Variants in BRINP1 observed in about 807,000 individuals in gnomAD.
BRINP1 encodes BMP/retinoic acid inducible neural specific 1.
In BRINP1, 17 loss-of-function variants were observed where a neutral mutation model predicts 72.9. That is an observed-to-expected ratio of 0.23 (90% confidence interval 0.16 to 0.35). BRINP1 has a LOEUF of 0.35. Among genes scored for constraint, BRINP1 ranks in the 10% least tolerant of loss-of-function variants. The pLI is 1.00. For missense variants in BRINP1, 850 were observed against 1,001.6 expected (o/e 0.85, Z 2.04); for synonymous variants, 418 against 378.5 (o/e 1.10, Z -1.21).
At chr9:119,366,869 C>T (rs1474760055) in intron 1 of BRINP1, among the ~76,000 whole-genome samples, 2 of 151,942 alleles carry the variant, frequency 1.3e-5, no homozygotes, top group Non-Finnish European at 2.9e-5. Context: ...CTCTTTAGGC[C>T]ACAGAGTCCT....
chr9:119,293,771 C>T (rs928356470), intron 2 of BRINP1, among the ~76,000 whole-genome samples: 3 of 151,840 alleles, frequency 2.0e-5, no homozygotes, highest in Middle Eastern at 3.4e-3. Context: ...AAAAAGAAAA[C>T]GAAGAAGATG....
At chr9:119,253,555 G>T (rs1830415074) in intron 2 of BRINP1, among the ~76,000 whole-genome samples, 1 of 152,144 alleles carries the variant, frequency 6.6e-6, no homozygotes, top group African/African-American at 2.4e-5. Flanking sequence ...ATGAAAAATG[G>T]ACCTCGTGAA....
At chr9:119,204,485 A>G (rs1421904486) in intron 7 of BRINP1, among the ~76,000 whole-genome samples, 1 of 152,206 alleles carries the variant, frequency 6.6e-6, no homozygotes, top group Non-Finnish European at 1.5e-5. Flanking sequence ...GACCTTGTGT[A>G]CATTATTAAC....
chr9:119,235,279 TGCA>T (rs938718470), intron 5 of BRINP1, among the ~76,000 whole-genome samples: 3 of 152,240 alleles, frequency 2.0e-5, no homozygotes, highest in African/African-American at 7.2e-5. Context: ...ATTAATGTGC[TGCA>T]GAAGCCTTCT....
chr9:119,303,157 C>T (rs911173690), intron 2 of BRINP1, among the ~76,000 whole-genome samples: 1 of 152,088 alleles, frequency 6.6e-6, no homozygotes, highest in Non-Finnish European at 1.5e-5. Flanking sequence ...GGGTGTCATG[C>T]TAGAGTCGCA....
At chr9:119,344,831 A>C (rs1486739495) in intron 1 of BRINP1, among the ~76,000 whole-genome samples, 1 of 152,238 alleles carries the variant, frequency 6.6e-6, no homozygotes, top group African/African-American at 2.4e-5. Flanking sequence ...TATCTTTTTT[A>C]ACGTAGCCCC....
At chr9:119,346,866 C>T (rs1224823073) in intron 1 of BRINP1, among the ~76,000 whole-genome samples, 1 of 152,142 alleles carries the variant, frequency 6.6e-6, no homozygotes, top group African/African-American at 2.4e-5. Context: ...CGTTGGGGTT[C>T]TGCCTGTGGT....
At chr9:119,174,136 A>C (rs1224486862) in intron 7 of BRINP1, among the ~76,000 whole-genome samples, 4 of 149,268 alleles carry the variant, frequency 2.7e-5, no homozygotes, top group African/African-American at 1.0e-4. Context: ...TAAACTAAAG[A>C]GCTTCTGCAC....
intron 1 of BRINP1, among the ~76,000 whole-genome samples, chr9:119,313,650 T>C (rs1408963391): frequency 6.6e-6 from 1 of 152,188 alleles, no homozygotes; most frequent in East Asian, 1.9e-4. Context: ...ACATATTGTC[T>C]GAACATGTAC....
intron 1 of BRINP1, among the ~76,000 whole-genome samples, chr9:119,331,305 T>A (rs1831298419): frequency 6.6e-6 from 1 of 152,218 alleles, no homozygotes; most frequent in African/African-American, 2.4e-5. Flanking sequence ...TGTTCTAAGA[T>A]GAGACTAGAG....
At chr9:119,347,142 G>A (rs571613130) in intron 1 of BRINP1, among the ~76,000 whole-genome samples, 34 of 152,248 alleles carry the variant, frequency 2.2e-4, no homozygotes, top group Admixed American at 1.5e-3. Flanking sequence ...GAGTGACTCC[G>A]TTTTTACAGT....
At chr9:119,183,888 G>A (rs991911218) in intron 7 of BRINP1, among the ~76,000 whole-genome samples, 1 of 152,088 alleles carries the variant, frequency 6.6e-6, no homozygotes, top group African/African-American at 2.4e-5. Flanking sequence ...ACATCACTGG[G>A]ACTAAAACTC....
chr9:119,196,673 C>T (rs1239712400), intron 7 of BRINP1, among the ~76,000 whole-genome samples: 1 of 152,210 alleles, frequency 6.6e-6, no homozygotes, highest in African/African-American at 2.4e-5. Flanking sequence ...GGGTGATCCT[C>T]TCAATAAACC....
intron 5 of BRINP1, among the ~76,000 whole-genome samples, chr9:119,225,532 G>C (rs1830081096): frequency 6.6e-6 from 1 of 151,930 alleles, no homozygotes; most frequent in African/African-American, 2.4e-5. Flanking sequence ...CTGTTACACT[G>C]TACTAACTTT....
intron 2 of BRINP1, among the ~76,000 whole-genome samples, chr9:119,292,672 G>A (rs962808912): frequency 6.6e-6 from 1 of 152,168 alleles, no homozygotes. Flanking sequence ...GTGAATTGGT[G>A]TCTTTCATAC....
At chr9:119,349,080 G>C (rs1327213046) in intron 1 of BRINP1, among the ~76,000 whole-genome samples, 1 of 151,982 alleles carries the variant, frequency 6.6e-6, no homozygotes, top group African/African-American at 2.4e-5. Context: ...GTCTTCCAAG[G>C]CCCCTCTCAC....
chr9:119,229,688 A>G (rs1477758039), intron 5 of BRINP1, among the ~76,000 whole-genome samples: 11 of 152,136 alleles, frequency 7.2e-5, no homozygotes, highest in Admixed American at 7.2e-4. Flanking sequence ...TGCCCTTTTG[A>G]AGAATGCTGT....
intron 1 of BRINP1, among the ~76,000 whole-genome samples, chr9:119,324,646 C>G (rs527261451): frequency 6.6e-6 from 1 of 152,302 alleles, no homozygotes; most frequent in African/African-American, 2.4e-5. Context: ...ATCATTAATG[C>G]TGACCCTTGC....
intron 1 of BRINP1, among the ~76,000 whole-genome samples, chr9:119,351,818 AT>A (rs61335544): frequency 0.41 from 61,125 of 150,016 alleles, 12,637 homozygotes; most frequent in Non-Finnish European, 0.44. Flanking sequence ...TTATTTTTTT[AT>A]TTTTTTTTTA....
Sources: gnomAD v4.1 joint callset for allele counts (sites outside exome capture counted in the v4.1 genomes callset) on GRCh38, gnomAD v4.1.1 for gene constraint, MANE v1.5 for transcripts, NCBI Gene and HGNC (gene_info 2026-07-23, HGNC 2026-07-21) for gene names.